Variants in LIN28B observed in about 807,000 individuals in gnomAD.
LIN28B encodes the protein protein lin-28 homolog B.
In LIN28B, 5 loss-of-function variants were observed where a neutral mutation model predicts 21.9. The observed-to-expected ratio is 0.23, with a 90% CI of 0.12 to 0.48. The LOEUF (loss-of-function observed/expected upper bound fraction) is 0.48. Ranked by LOEUF, LIN28B falls within the 20% of genes least tolerant of loss-of-function variation. The pLI is 0.98. For synonymous variants in LIN28B, 109 were observed against 111.3 expected (o/e 0.98, Z 0.13); for missense variants, 245 against 310.5 (o/e 0.79, Z 1.58).
At chr6:104,992,299 C>A (rs142709251) in intron 2 of LIN28B, among the ~76,000 whole-genome samples, 2 of 152,098 alleles carry the variant, frequency 1.3e-5, no homozygotes, top group African/African-American at 2.4e-5. Context: ...TCAGGTGATC[C>A]GCCCACCTTG....
chr6:104,989,244 G>A (rs1307219858), intron 2 of LIN28B, among the ~76,000 whole-genome samples: 1 of 151,038 alleles, frequency 6.6e-6, no homozygotes, highest in African/African-American at 2.4e-5. Flanking sequence ...TTGCTTTTTT[G>A]AGACAGAGTA....
At chr6:104,988,942 T>C (rs1159159958) in intron 2 of LIN28B, among the ~76,000 whole-genome samples, 1 of 152,210 alleles carries the variant, frequency 6.6e-6, no homozygotes, top group African/African-American at 2.4e-5. Flanking sequence ...AGGGAATTTG[T>C]GTATTTCATA....
At chr6:105,014,029 GT>G (rs768296052) in intron 2 of LIN28B, among the ~76,000 whole-genome samples, 2 of 151,930 alleles carry the variant, frequency 1.3e-5, no homozygotes, top group African/African-American at 2.4e-5. Flanking sequence ...TTTCTCTATT[GT>G]TTTTTACCCT....
intron 2 of LIN28B, among the ~76,000 whole-genome samples, chr6:105,024,711 G>T (rs1426507047): frequency 6.6e-6 from 1 of 152,068 alleles, no homozygotes; most frequent in East Asian, 1.9e-4. Context: ...GTTTTCATGG[G>T]CTGTCTTGCT....
intron 3 of LIN28B, among the ~76,000 whole-genome samples, chr6:105,071,647 TG>T (rs1362234474): frequency 6.6e-6 from 1 of 152,130 alleles, no homozygotes; most frequent in East Asian, 1.9e-4. Context: ...GCTGTCAAAT[TG>T]TCCTCCAAGA....
chr6:105,025,531 G>A (rs1771270231), intron 2 of LIN28B, among the ~76,000 whole-genome samples: 1 of 152,016 alleles, frequency 6.6e-6, no homozygotes, highest in African/African-American at 2.4e-5. Context: ...GTATATACCA[G>A]AAAACTTTGC....
intron 2 of LIN28B, among the ~76,000 whole-genome samples, chr6:105,025,814 T>G (rs1426755119): frequency 6.6e-6 from 1 of 152,106 alleles, no homozygotes; most frequent in Non-Finnish European, 1.5e-5. Flanking sequence ...ACTCTTTTTT[T>G]TTTTAACTCA....
chr6:104,991,689 C>G (rs1229372217), intron 2 of LIN28B, among the ~76,000 whole-genome samples: 2 of 151,682 alleles, frequency 1.3e-5, no homozygotes, highest in Non-Finnish European at 2.9e-5. Flanking sequence ...TGTAGCGAGC[C>G]GAGATCACGC....
intron 2 of LIN28B, among the ~76,000 whole-genome samples, chr6:104,964,568 T>C (rs970812584): frequency 6.6e-6 from 1 of 151,458 alleles, no homozygotes; most frequent in African/African-American, 2.4e-5. Flanking sequence ...TAGATGGCAT[T>C]GTACCATATA....
chr6:105,006,688 A>T (rs760819648), intron 2 of LIN28B, among the ~76,000 whole-genome samples: 1 of 152,124 alleles, frequency 6.6e-6, no homozygotes. Flanking sequence ...CTCTTGCACT[A>T]CATGTTCAGT....
chr6:104,982,136 A>G (rs1435482818), intron 2 of LIN28B, among the ~76,000 whole-genome samples: 5 of 152,050 alleles, frequency 3.3e-5, no homozygotes, highest in Non-Finnish European at 7.4e-5. Flanking sequence ...AACACGGTGA[A>G]ACCCTGTCTC....
intron 3 of LIN28B, among the ~76,000 whole-genome samples, chr6:105,075,147 T>G (rs1288923294): frequency 6.6e-6 from 1 of 152,248 alleles, no homozygotes; most frequent in Admixed American, 6.5e-5. Context: ...ATAGTTTTCT[T>G]TGTATGGTCT....
chr6:104,992,514 G>GTGTGTTT (rs1221284024), intron 2 of LIN28B, among the ~76,000 whole-genome samples: 1 of 139,602 alleles, frequency 7.2e-6, no homozygotes, highest in Non-Finnish European at 1.5e-5. Context: ...GTGTGTGTGT[G>GTGTGTTT]TTTTTTTTTT....
At chr6:105,053,714 C>CATATGTGTGTGT (rs61525783) in intron 3 of LIN28B, among the ~76,000 whole-genome samples, 1 of 147,274 alleles carries the variant, frequency 6.8e-6, no homozygotes, top group Non-Finnish European at 1.5e-5. Flanking sequence ...TGTGTGGGTG[C>CATATGTGTGTGT]GTGTGTGTGT....
intron 2 of LIN28B, among the ~76,000 whole-genome samples, chr6:105,020,515 C>T (rs1244169999): frequency 2.0e-5 from 3 of 151,720 alleles, no homozygotes; most frequent in Non-Finnish European, 4.4e-5. Context: ...GATGGGGTTT[C>T]GCCATGTTGC....
chr6:105,051,534 A>AT (rs916422055), intron 3 of LIN28B, among the ~76,000 whole-genome samples: 63 of 146,922 alleles, frequency 4.3e-4, no homozygotes, highest in Admixed American at 6.1e-4. Context: ...TTCTCCAGGG[A>AT]TTTTTTTTTT....
At chr6:105,023,575 T>TTATATATTTTATATATATAA (rs1771211736) in intron 2 of LIN28B, among the ~76,000 whole-genome samples, 1 of 51,362 alleles carries the variant, frequency 1.9e-5, no homozygotes, top group African/African-American at 9.0e-5. Context: ...ATAATATATA[T>TTATATATTTTATATATATAA]AATATATATT....
intron 2 of LIN28B, among the ~76,000 whole-genome samples, chr6:105,021,382 C>T (rs1044086900): frequency 7.2e-5 from 11 of 152,026 alleles, no homozygotes; most frequent in African/African-American, 2.7e-4. Flanking sequence ...GGGTCAATAC[C>T]CAGTAGTGGG....
rs115788893 is a variant in LIN28B at position 104,986,448 on chromosome 6, C to T, written c.198+28162C>T. ...ACAGCATCTGGTAGTTTTAAGTTCT[C>T]CAATCTCATTTTTTTCCCATATTGT... On this transcript the variant is annotated intron_variant, in intron 2 of 3. Coordinates refer to ENST00000345080, the MANE Select transcript of LIN28B (RefSeq NM_001004317.4). 7.0e-3 allele frequency among the ~76,000 whole-genome samples: 1,061 copies of T among 151,798 alleles called. 10 individuals are homozygous for T. The highest frequency in any genetic ancestry group is 0.024 in the African/African-American group (982 of 41,340).
Sources: allele counts gnomAD v4.1 joint callset (sites outside exome capture counted in the v4.1 genomes callset), GRCh38; gene constraint gnomAD v4.1.1; transcripts MANE v1.5; gene names NCBI Gene and HGNC (gene_info 2026-07-23, HGNC 2026-07-21).